ZSCAN5B: variants seen among roughly 807,000 people sequenced by gnomAD.
ZSCAN5B encodes the protein zinc finger and SCAN domain containing 5B, also known as zinc finger and SCAN domain-containing protein 5B.
In ZSCAN5B, 26 loss-of-function variants were observed where a neutral mutation model predicts 25.2. The ratio of observed to expected loss-of-function variants is 1.03; its 90% CI spans 0.76 to 1.43. The LOEUF (loss-of-function observed/expected upper bound fraction) is 1.43, where lower values mean the gene tolerates loss of function less well. ZSCAN5B is among the 40% of genes most tolerant of loss of function. ZSCAN5B has a pLI of 0.00. For missense variants in ZSCAN5B, 745 were observed against 622.1 expected (o/e 1.20, Z -2.10); for synonymous variants, 244 against 240.9 (o/e 1.01, Z -0.12).
At chr19:56,194,783 T>C (rs933919433) in intron 1 of ZSCAN5B, among the ~76,000 whole-genome samples, 2 of 152,084 alleles carry the variant, frequency 1.3e-5, no homozygotes, top group Non-Finnish European at 2.9e-5. Flanking sequence ...ATTTTTATAT[T>C]TTTAGTACAG....
chr19:56,190,414 G>C (rs758876741), exon 5 of ZSCAN5B: 2 of 1,614,084 alleles, frequency 1.2e-6, no homozygotes, highest in Non-Finnish European at 1.7e-6. Flanking sequence ...GAGGCATCTG[G>C]TTTGCTTCTT....
At chr19:56,192,602 A>G in intron 2 of ZSCAN5B, 67 bp downstream of exon 2, 2 of 1,537,812 alleles carry the variant, frequency 1.3e-6, no homozygotes, top group Non-Finnish European at 1.7e-6. Flanking sequence ...GATATTTGAG[A>G]CTGGAGAATT....
At chr19:56,191,761 C>A in intron 3 of ZSCAN5B, 89 bp downstream of exon 3, 1 of 1,374,552 alleles carries the variant, frequency 7.3e-7, no homozygotes, top group South Asian at 1.3e-5. Context: ...TTGTCCTGTG[C>A]CAAATCTCTC....
At chr19:56,194,223 C>G (rs2032778244) in intron 1 of ZSCAN5B, among the ~76,000 whole-genome samples, 1 of 151,460 alleles carries the variant, frequency 6.6e-6, no homozygotes, top group Non-Finnish European at 1.5e-5. Context: ...TTTCTCTGTT[C>G]CTTATCTCAT....
rs115704659 is a variant in ZSCAN5B at position 56,190,659 on chromosome 19, T to C, written c.740-84A>G. ...AACTCATTGCAACCAAACACTGACC[T>C]TGGCTGAGAACTTCCCCTCAACCTC... is the stretch of plus-strand genomic sequence containing the variant. On this transcript the variant is annotated intron_variant, in intron 4 of 4. Transcript: ENST00000586855. 7.0e-4 allele frequency: 1,092 copies of C among 1,561,052 alleles called. 2 individuals carry two copies. The African/African-American group carries it at 0.014, about 19-fold the overall frequency.
intron 1 of ZSCAN5B, among the ~76,000 whole-genome samples, chr19:56,193,854 C>T (rs1366155163): frequency 4.0e-5 from 6 of 150,870 alleles, no homozygotes; most frequent in South Asian, 2.1e-4. Flanking sequence ...CCCAGCTACT[C>T]GGGAGGCTGA....
chr19:56,191,310 T>C (rs1294779536), intron 3 of ZSCAN5B, among the ~76,000 whole-genome samples: 1 of 152,174 alleles, frequency 6.6e-6, no homozygotes, highest in African/African-American at 2.4e-5. Flanking sequence ...GCATTGGGGC[T>C]GCATCATCCT....
chr19:56,190,399 T>C lies in ZSCAN5B; in HGVS notation c.916A>G (p.Ile306Val), dbSNP rs985624377. 1.5e-5 allele frequency: 24 copies of C among 1,613,922 alleles called. No individual in the cohort carries two copies. In the East Asian group the frequency reaches 4.5e-4, roughly 30 times the overall value. The stretch of plus-strand genomic sequence containing the variant: ...TCTCCTTGAGGCTCTTCTTGGGAAA[T>C]GGAGGAGGCATCTGGTTTGCTTCTT... The change falls in exon 5 of 5, where the codon ATT (isoleucine) becomes GTT (valine). Residue 306 changes from isoleucine (I) to valine (V), a missense_variant. Ile to Val is a conservative substitution (Grantham distance 29). Transcript: ENST00000586855.
At chr19:56,192,080 C>CTA (rs747467611) in intron 2 of ZSCAN5B, 27 bp from the exon 3 acceptor site, 1 of 1,585,624 alleles carries the variant, frequency 6.3e-7, no homozygotes, top group Non-Finnish European at 8.6e-7. Context: ...GACAATCAGA[C>CTA]ACTATGAGAA....
chr19:56,190,604 C>G, intron 4 of ZSCAN5B, 29 bp from the exon 5 acceptor site: 1 of 1,598,702 alleles, frequency 6.3e-7, no homozygotes, highest in Non-Finnish European at 8.5e-7. Flanking sequence ...CCACACACAA[C>G]AGTTAACAAA....
chr19:56,197,343 C>T (rs2032823563), intron 1 of ZSCAN5B, among the ~76,000 whole-genome samples: 1 of 151,824 alleles, frequency 6.6e-6, no homozygotes, highest in South Asian at 2.1e-4. Context: ...GTTCAAACGA[C>T]TCTCCTGACT....
chr19:56,192,828 G>C, exon 2 of ZSCAN5B: 1 of 1,612,936 alleles, frequency 6.2e-7, no homozygotes, highest in Non-Finnish European at 8.5e-7. Flanking sequence ...TGTGGAGGTC[G>C]GGCCTCAGCC....
In ZSCAN5B at chr19:56,190,459, TC is replaced by T. The variant is rs1181964280; in HGVS notation, c.855del (p.Asn286ThrfsTer6). ...CTCAGATTCAGAGCATCTCCTCTGT[TC>T]CCGCTGTGAGTCAAAGCTTCTCTCT... On this transcript the variant is annotated frameshift_variant, in exon 5 of 5. Transcript: ENST00000586855. LOFTEE classifies it low-confidence loss of function (END_TRUNC). 1 of 1,614,068 alleles carries T rather than the reference TC, an allele frequency of 6.2e-7. No individual in the cohort carries two copies. The highest frequency in any genetic ancestry group is 2.2e-5 in the East Asian group (1 of 44,858).
chr19:56,195,342 T>C (rs28682364), intron 1 of ZSCAN5B, among the ~76,000 whole-genome samples: 1,639 of 151,212 alleles, frequency 0.011, 25 homozygotes, highest in African/African-American at 0.036. Flanking sequence ...TGTGTGGACA[T>C]CTCAGATGAA....
At chr19:56,190,064 T>A (rs750297216) in exon 5 of ZSCAN5B, 1 of 1,613,886 alleles carries the variant, frequency 6.2e-7, no homozygotes, top group Admixed American at 1.7e-5. Context: ...CGAACCGCTT[T>A]TGGCAGACGT....
chr19:56,195,384 G>A (rs568993880), intron 1 of ZSCAN5B, among the ~76,000 whole-genome samples: 3 of 152,066 alleles, frequency 2.0e-5, no homozygotes, highest in African/African-American at 7.3e-5. Flanking sequence ...TCTAGGAAAA[G>A]GTGCTCGTCA....
intron 1 of ZSCAN5B, among the ~76,000 whole-genome samples, chr19:56,195,743 G>A (rs890833145): frequency 2.0e-5 from 3 of 152,160 alleles, no homozygotes; most frequent in African/African-American, 7.2e-5. Context: ...CTCATATCCT[G>A]GGTGACAGGT....
exon 2 of ZSCAN5B, chr19:56,192,844 T>C (rs1420808568): frequency 1.9e-6 from 3 of 1,613,510 alleles, no homozygotes; most frequent in Admixed American, 1.7e-5. Flanking sequence ...CAGCCACAGA[T>C]GGCACAGCTC....
At chr19:56,194,488 G>C (rs544465468) in intron 1 of ZSCAN5B, among the ~76,000 whole-genome samples, 1 of 152,270 alleles carries the variant, frequency 6.6e-6, no homozygotes, top group South Asian at 2.1e-4. Flanking sequence ...TAGAGATGGG[G>C]TTTCGCCATG....
Sources: allele counts gnomAD v4.1 joint callset (sites outside exome capture counted in the v4.1 genomes callset), GRCh38; gene constraint gnomAD v4.1.1; transcripts MANE v1.5; gene names NCBI Gene and HGNC (gene_info 2026-07-23, HGNC 2026-07-21).